LRMDA: variants seen among roughly 807,000 people sequenced by gnomAD.
LRMDA encodes leucine-rich melanocyte differentiation-associated protein.
LRMDA carries 18 observed loss-of-function variants against 29.8 expected under a neutral mutation model. That is an observed-to-expected ratio of 0.60 (90% confidence interval 0.42 to 0.90). The LOEUF is 0.90. Among genes scored for constraint, LRMDA ranks in the 40% least tolerant of loss-of-function variants. LRMDA has a pLI of 0.00. For synonymous variants in LRMDA, 125 were observed against 109.4 expected, an observed-to-expected ratio of 1.14 and a Z score of -0.89; for missense variants, 273 against 273.9, an observed-to-expected ratio of 1.00 and a Z score of 0.02.
intron 3 of LRMDA, among the ~76,000 whole-genome samples, chr10:76,040,228 C>T (rs1400822360): frequency 6.6e-6 from 1 of 152,158 alleles, no homozygotes; most frequent in Non-Finnish European, 1.5e-5. Context: ...CCTGCCTCTG[C>T]AAGGTCCTGC....
At chr10:75,474,725 G>A (rs1325385942) in intron 2 of LRMDA, among the ~76,000 whole-genome samples, 2 of 152,216 alleles carry the variant, frequency 1.3e-5, no homozygotes, top group Non-Finnish European at 2.9e-5. Flanking sequence ...TAATACCAGT[G>A]CAGTTTGTAT....
intron 5 of LRMDA, among the ~76,000 whole-genome samples, chr10:76,109,158 T>C (rs2058634717): frequency 1.3e-5 from 2 of 152,152 alleles, no homozygotes; most frequent in South Asian, 4.1e-4. Flanking sequence ...TGGATAACAG[T>C]GTGCCTGCGC....
chr10:76,470,504 A>T (rs753274141), intron 6 of LRMDA: 4 of 152,034 alleles, frequency 2.6e-5, no homozygotes, highest in Non-Finnish European at 4.4e-5. Flanking sequence ...CCAAATGTCC[A>T]TCAAGGGATT....
At chr10:76,248,253 T>C (rs190881770) in intron 5 of LRMDA, among the ~76,000 whole-genome samples, 132 of 152,298 alleles carry the variant, frequency 8.7e-4, no homozygotes, top group African/African-American at 3.2e-3. Context: ...CATCCTACCA[T>C]GCACAGGACA....
intron 2 of LRMDA, among the ~76,000 whole-genome samples, chr10:75,620,696 G>T (rs1180485732): frequency 1.3e-5 from 2 of 152,088 alleles, no homozygotes; most frequent in African/African-American, 4.8e-5. Flanking sequence ...CATCTTCTTT[G>T]TAAATTCTTC....
intron 6 of LRMDA, among the ~76,000 whole-genome samples, chr10:76,524,314 A>C (rs1454659640): frequency 6.6e-6 from 1 of 152,210 alleles, no homozygotes; most frequent in African/African-American, 2.4e-5. Flanking sequence ...AAAAAAGCAC[A>C]ACGGAGACAA....
intron 2 of LRMDA, among the ~76,000 whole-genome samples, chr10:75,926,149 G>A (rs1392915080): frequency 6.6e-6 from 1 of 152,138 alleles, no homozygotes; most frequent in Non-Finnish European, 1.5e-5. Flanking sequence ...GAGTCCTGTT[G>A]TGCCTCTATT....
chr10:76,018,473 TGTC>T (rs1391476239), intron 2 of LRMDA, among the ~76,000 whole-genome samples: 2 of 152,016 alleles, frequency 1.3e-5, no homozygotes, highest in Non-Finnish European at 2.9e-5. Context: ...TGCACAGACA[TGTC>T]GTATTAGGAA....
intron 2 of LRMDA, among the ~76,000 whole-genome samples, chr10:75,474,969 C>T (rs952162695): frequency 9.2e-5 from 14 of 152,186 alleles, no homozygotes; most frequent in Admixed American, 7.9e-4. Flanking sequence ...TGTCTGCCCA[C>T]CATACTCTGT....
intron 2 of LRMDA, among the ~76,000 whole-genome samples, chr10:75,984,779 G>C (rs922398727): frequency 9.2e-5 from 14 of 152,222 alleles, no homozygotes; most frequent in Non-Finnish European, 1.9e-4. Flanking sequence ...AGGAGGAGCT[G>C]CTGCATTTTT....
At position 76,132,966 on chromosome 10, in the gene LRMDA, C is replaced by CTT. The variant is rs35997711; in HGVS notation, c.516+74210_516+74211dup. 1.2e-3 allele frequency among the ~76,000 whole-genome samples: 67 copies of CTT among 57,370 alleles called. 2 individuals are homozygous for CTT. Among genetic ancestry groups the CTT allele is most frequent in the East Asian group, 2.2e-3 (3 of 1,370 alleles). 37.6% of individuals were successfully genotyped at this position (57,370 alleles called of 152,430 possible). A position where few individuals can be genotyped will look rare whatever the true frequency, so the allele number is the denominator to read the frequency against. On this transcript the variant is annotated intron_variant, in intron 5 of 6. Transcript: ENST00000611255. ...TACAGGCATCCACCACCACGCCCGG[C>CTT]TTTTTTTTTTTTTTTTTTTTTTTTT...
At chr10:75,533,076 A>G (rs141972607) in intron 2 of LRMDA, among the ~76,000 whole-genome samples, 54 of 152,302 alleles carry the variant, frequency 3.5e-4, no homozygotes, top group African/African-American at 1.3e-3. Context: ...AGTTGAAAAG[A>G]AAGGTACTAG....
Position 75,494,515 on chromosome 10 carries a change from C to CTTTTTTTT in LRMDA, c.131+56036_131+56043dup, listed in dbSNP as rs34902194. Among the ~76,000 whole-genome samples the CTTTTTTTT allele has an allele frequency of 9.0e-4, 93 of 102,864 alleles. 2 individuals carry two copies. Among genetic ancestry groups the CTTTTTTTT allele is most frequent in the Non-Finnish European group, 1.2e-3 (68 of 55,456 alleles). 67.5% of individuals were successfully genotyped at this position (102,864 alleles called of 152,430 possible). ...GCTAAAACAAGGTTTATGTTTGTTC[C>CTTTTTTTT]TTTTTTTTTTTTTTTTTTTTTTGTT... is the stretch of plus-strand genomic sequence containing the variant. On this transcript the variant is annotated intron_variant, in intron 2 of 6. Transcript: ENST00000611255.
At chr10:76,075,134 G>A (rs542137502) in intron 5 of LRMDA, among the ~76,000 whole-genome samples, 6 of 152,326 alleles carry the variant, frequency 3.9e-5, no homozygotes, top group African/African-American at 1.2e-4. Flanking sequence ...TGGGAAATGC[G>A]GACATTGTGC....
intron 2 of LRMDA, among the ~76,000 whole-genome samples, chr10:75,751,785 G>A (rs1015443326): frequency 6.6e-6 from 1 of 151,956 alleles, no homozygotes; most frequent in African/African-American, 2.4e-5. Context: ...TCATTAATGG[G>A]TCACACGTAC....
chr10:75,451,972 GTTATAT>G (rs1844467363), intron 2 of LRMDA, among the ~76,000 whole-genome samples: 1 of 152,092 alleles, frequency 6.6e-6, no homozygotes, highest in African/African-American at 2.4e-5. Context: ...ACATTTGGGG[GTTATAT>G]GTGCATGCTA....
At chr10:75,599,094 G>C (rs966545448) in intron 2 of LRMDA, among the ~76,000 whole-genome samples, 1 of 152,122 alleles carries the variant, frequency 6.6e-6, no homozygotes, top group Non-Finnish European at 1.5e-5. Flanking sequence ...TCAGCACCAA[G>C]AGGTAAAAAA....
intron 2 of LRMDA, among the ~76,000 whole-genome samples, chr10:75,799,342 C>T (rs1009074895): frequency 2.0e-5 from 3 of 152,164 alleles, no homozygotes; most frequent in African/African-American, 7.2e-5. Flanking sequence ...TCGAAGCTTA[C>T]TTTGTCCAAT....
chr10:75,697,803 GTTCTCTCTCTC>G (rs1842254254), intron 2 of LRMDA, among the ~76,000 whole-genome samples: 1 of 151,658 alleles, frequency 6.6e-6, no homozygotes, highest in Admixed American at 6.6e-5. Flanking sequence ...TGGGCAACTC[GTTCTCTCTCTC>G]TGTATTATGT....
Sources: allele counts gnomAD v4.1 joint callset (sites outside exome capture counted in the v4.1 genomes callset), GRCh38; gene constraint gnomAD v4.1.1; transcripts MANE v1.5; gene names NCBI Gene and HGNC (gene_info 2026-07-23, HGNC 2026-07-21).